PLCG1: variants seen among roughly 807,000 people sequenced by gnomAD.
The protein encoded by PLCG1 is phospholipase C gamma 1, also known as 1-phosphatidylinositol 4,5-bisphosphate phosphodiesterase gamma-1.
A neutral mutation model predicts 177.8 loss-of-function variants in PLCG1; 71 were observed. The observed-to-expected ratio is 0.40, with a 90% CI of 0.33 to 0.49. PLCG1 has a LOEUF of 0.49. Ranked by LOEUF, PLCG1 falls within the 20% of genes least tolerant of loss-of-function variation. The probability of loss-of-function intolerance (pLI) is 0.72; values close to 1 mark genes in which losing one functional copy is unlikely to be tolerated. For synonymous variants in PLCG1, 658 were observed against 647.9 expected, an observed-to-expected ratio of 1.02 and a Z score of -0.24; for missense variants, 1,281 against 1,709.0, an observed-to-expected ratio of 0.75 and a Z score of 4.42.
At position 41,137,904 on chromosome 20, in the gene PLCG1, G is replaced by T; in HGVS notation, c.217+46G>T. ...CCTGGGCCCGCCCCGCGCGGGGGTCGTGGGAGCCCGGCCCGACTGCTTGCA... is the reference window on the plus strand; with the variant it reads ...CCTGGGCCCGCCCCGCGCGGGGGTCTTGGGAGCCCGGCCCGACTGCTTGCA... On this transcript the variant is annotated intron_variant, in intron 1 of 31. Coordinates refer to ENST00000685551, the MANE Select transcript of PLCG1 (RefSeq NM_002660.3). The surrounding 1 kb of genome is among the most constrained non-coding windows in gnomAD (Gnocchi z 7.3). The T allele has an allele frequency of 2.5e-6, 3 of 1,197,612 alleles. No homozygotes were observed. Among genetic ancestry groups the T allele is most frequent in the Non-Finnish European group, 3.2e-6 (3 of 943,514 alleles). 74.2% of individuals were successfully genotyped at this position (1,197,612 alleles called of 1,614,324 possible).
chr20:41,167,847 T>C lies in PLCG1; in HGVS notation c.2302-5T>C. On this transcript the variant is annotated splice_polypyrimidine_tract_variant and splice_region_variant and intron_variant, in intron 19 of 31. Transcript: ENST00000685551. The surrounding 1 kb of genome is among the most constrained non-coding windows in gnomAD (Gnocchi z 4.4). The stretch of plus-strand genomic sequence containing the variant: ...TTAACATATCCCATTGTGTCCTGTT[T>C]CCAGGAGCCTGACTACGGGGCCCTG... 1 of 1,609,738 alleles carries C rather than the reference T, an allele frequency of 6.2e-7. No individual in the cohort carries two copies. Among genetic ancestry groups the C allele is most frequent in the Non-Finnish European group, 8.5e-7 (1 of 1,176,162 alleles).
chr20:41,173,024 A>AAGAT lies in PLCG1; in HGVS notation c.3279+150_3279+153dup, dbSNP rs1228093116. On this transcript the variant is annotated intron_variant, in intron 27 of 31. Transcript: ENST00000685551. This position sits in a 1 kb window ranked among gnomAD's most constrained non-coding sequence, Gnocchi z 6.2. ...CCTGAGCTGAGTCTTTGAAGGGGTGAAGATAGCATGCAGTCACTGTATGCA... is the reference window on the plus strand; with the variant it reads ...CCTGAGCTGAGTCTTTGAAGGGGTGAAGATAGATAGCATGCAGTCACTGTATGCA... 2 of 744,898 alleles carry AAGAT rather than the reference A, an allele frequency of 2.7e-6. No individual in the cohort carries two copies. The highest frequency in any genetic ancestry group is 4.4e-6 in the Non-Finnish European group (2 of 459,738). The allele number at this position is 744,898 out of a possible 1,614,324, so 46.1% of individuals were successfully genotyped here.
At position 41,172,988 on chromosome 20, in the gene PLCG1, G is replaced by T; in HGVS notation, c.3279+111G>T. 8.6e-7 allele frequency: 1 copy of T among 1,159,624 alleles called. No homozygotes were observed. Among genetic ancestry groups the T allele is most frequent in the Non-Finnish European group, 1.2e-6 (1 of 822,726 alleles). The allele number at this position is 1,159,624 out of a possible 1,614,324, so 71.8% of individuals were successfully genotyped here. On this transcript the variant is annotated intron_variant, in intron 27 of 31. Coordinates refer to ENST00000685551, the MANE Select transcript of PLCG1 (RefSeq NM_002660.3). The surrounding 1 kb of genome is among the most constrained non-coding windows in gnomAD (Gnocchi z 7.0). Reference sequence around the variant, plus strand: ...TATTTTCAGGCATCAAGGTGGTCAGGGTGGGTGGGGCCTGAGCTGAGTCTT... The same window carrying T: ...TATTTTCAGGCATCAAGGTGGTCAGTGTGGGTGGGGCCTGAGCTGAGTCTT...
In PLCG1 at chr20:41,160,102, C is replaced by G. The variant is rs780920914; in HGVS notation, c.465-4C>G. 5 of 1,614,066 alleles carry G rather than the reference C, an allele frequency of 3.1e-6. No homozygotes were observed. The highest frequency in any genetic ancestry group is 3.4e-6 in the Non-Finnish European group (4 of 1,179,930). The stretch of plus-strand genomic sequence containing the variant: ...TGGCCCTCACCTCAGGCTTCTCTCT[C>G]CAGGTGGCTCCGGAAGCAGTTTTAC... On this transcript the variant is annotated splice_polypyrimidine_tract_variant and splice_region_variant and intron_variant, in intron 3 of 31. Transcript: ENST00000685551. This position sits in a 1 kb window ranked among gnomAD's most constrained non-coding sequence, Gnocchi z 5.5.
rs1356533687 is a variant in PLCG1, at chr20:41,173,834, C to A, written c.3556+21C>A. The A allele has an allele frequency of 1.9e-6, 3 of 1,611,516 alleles. No individual in the cohort carries two copies. Among genetic ancestry groups the A allele is most frequent in the Admixed American group, 1.7e-5 (1 of 59,900 alleles). On this transcript the variant is annotated intron_variant, in intron 29 of 31. Coordinates refer to ENST00000685551, the MANE Select transcript of PLCG1 (RefSeq NM_002660.3). The surrounding 1 kb of genome is among the most constrained non-coding windows in gnomAD (Gnocchi z 6.2). ...GACAGGTGAGGACCATTCCTGGAGG[C>A]AGTGCCCCTGCAATCTTGCTGGCAG... is the stretch of plus-strand genomic sequence containing the variant.
At chr20:41,169,691 T>C (rs1430666470) in intron 23 of PLCG1, 165 bp downstream of exon 23, 2 of 629,200 alleles carry the variant, frequency 3.2e-6, no homozygotes, top group Non-Finnish European at 5.7e-6. Flanking sequence ...CTGGGCTCCC[T>C]TTGTCACTGT....
In PLCG1 at chr20:41,175,722, C is replaced by G. The variant is rs1399664494; in HGVS notation, c.*1213C>G. The G allele has an allele frequency of 1.3e-5, 2 of 152,630 alleles. No homozygotes were observed. Among genetic ancestry groups the G allele is most frequent in the African/African-American group, 4.8e-5 (2 of 41,454 alleles). The allele number at this position is 152,630 out of a possible 1,614,324, so 9.5% of individuals were successfully genotyped here. On this transcript the variant is annotated 3_prime_UTR_variant, in exon 32 of 32. Coordinates refer to ENST00000685551, the MANE Select transcript of PLCG1 (RefSeq NM_002660.3). ...ATAAATCATCCTCATGTCCTTTTTC[C>G]TTTGACTTGTATGCTCTTTCGGGGG...
intron 20 of PLCG1, 39 bp from the exon 21 acceptor site, chr20:41,168,728 G>C (rs1353769941): frequency 6.8e-6 from 9 of 1,315,730 alleles, no homozygotes; most frequent in Non-Finnish European, 9.8e-6. Flanking sequence ...GTGGCAGGGA[G>C]AGCCTTTCTG....
rs2035918684 is a variant in PLCG1, at chr20:41,172,067, G to C, written c.2809-126G>C. ...TACTGTTGGGTGTGGTGTCTGGAAG[G>C]TACAGGGGAAGGTGGGAGAGGGGCC... is the stretch of plus-strand genomic sequence containing the variant. On this transcript the variant is annotated intron_variant, in intron 24 of 31. Transcript: ENST00000685551. This position sits in a 1 kb window ranked among gnomAD's most constrained non-coding sequence, Gnocchi z 7.0. 8.0e-6 allele frequency: 6 copies of C among 751,228 alleles called. No individual in the cohort carries two copies. The Admixed American group carries it at 1.1e-4, about 13-fold the overall frequency. 46.5% of individuals were successfully genotyped at this position (751,228 alleles called of 1,614,324 possible). A position where few individuals can be genotyped will look rare whatever the true frequency, so the allele number is the denominator to read the frequency against.
chr20:41,161,580 T>G (rs2035497767), intron 4 of PLCG1, among the ~76,000 whole-genome samples: 1 of 152,086 alleles, frequency 6.6e-6, no homozygotes, highest in African/African-American at 2.4e-5. Flanking sequence ...TGACTGAGGA[T>G]CAGAGGAGGG....
chr20:41,154,044 C>T (rs368770369), intron 1 of PLCG1, among the ~76,000 whole-genome samples: 183 of 152,292 alleles, frequency 1.2e-3, no homozygotes, highest in African/African-American at 4.3e-3. Context: ...ACTTCTGTAT[C>T]TCTTACCTCA....
chr20:41,163,452 C>T lies in PLCG1; in HGVS notation c.864C>T (p.Ile288=), dbSNP rs751778690. 6 of 1,611,726 alleles carry T rather than the reference C, an allele frequency of 3.7e-6. No individual in the cohort carries two copies. Among genetic ancestry groups the T allele is most frequent in the South Asian group, 1.1e-5 (1 of 91,010 alleles). Residue 288 remains isoleucine (I), a synonymous_variant, in exon 9 of 32, where the codon ATC becomes ATT. Transcript: ENST00000685551. The surrounding 1 kb of genome is among the most constrained non-coding windows in gnomAD (Gnocchi z 5.2). ...LSFLRDPLRE[I]EEPYFFLDEF... is the part of the protein sequence containing the mutation. Reference sequence around the variant, plus strand: ...TCCTCCGAGACCCCTTACGAGAGATCGAGGAGCCATACTTCTTCCTGGATG... The same window carrying T: ...TCCTCCGAGACCCCTTACGAGAGATTGAGGAGCCATACTTCTTCCTGGATG...
In PLCG1 at chr20:41,170,243, G is replaced by A; in HGVS notation, c.2782G>A (p.Glu928Lys). 1 of 1,614,126 alleles carries A rather than the reference G, an allele frequency of 6.2e-7. No homozygotes were observed. Among genetic ancestry groups the A allele is most frequent in the Non-Finnish European group, 8.5e-7 (1 of 1,180,006 alleles). The part of the protein sequence containing the change: ...ELQDWVKKIR[E>K]VAQTADARLT... ...GCAGGACTGGGTGAAAAAGATCCGT[G>A]AAGTGGCCCAGACAGCAGACGCCAG... Residue 928 changes from glutamate (E) to lysine (K), a missense_variant, in exon 24 of 32, where the codon GAA (glutamate) becomes AAA (lysine). Transcript: ENST00000685551.
At chr20:41,161,930 G>A (rs959679752) in intron 4 of PLCG1, among the ~76,000 whole-genome samples, 1 of 152,060 alleles carries the variant, frequency 6.6e-6, no homozygotes, top group African/African-American at 2.4e-5. Flanking sequence ...TGTATTTGGT[G>A]GAGCATGCAC....
intron 1 of PLCG1, chr20:41,138,150 G>A (rs1600621883): frequency 3.6e-6 from 1 of 281,238 alleles, no homozygotes; most frequent in Non-Finnish European, 6.6e-6. Context: ...TGCGGTGCAG[G>A]CATCGGGCCC....
intron 24 of PLCG1, among the ~76,000 whole-genome samples, chr20:41,171,831 C>T (rs947047371): frequency 6.6e-6 from 1 of 152,150 alleles, no homozygotes; most frequent in Admixed American, 6.5e-5. Context: ...ATTTTTACCC[C>T]AGCATGAGGC....
At position 41,144,813 on chromosome 20, in the gene PLCG1, A is replaced by G. The variant is rs1414511768; in HGVS notation, c.217+6955A>G. Among the ~76,000 whole-genome samples the G allele has an allele frequency of 6.6e-6, 1 of 152,126 alleles. No homozygotes were observed. The highest frequency in any genetic ancestry group is 1.5e-5 in the Non-Finnish European group (1 of 68,032). ...CCTCTGACTTGTTCATGGTGGCAGT[A>G]GATCTCTAGCGTGGTTTGTGTTCCA... On this transcript the variant is annotated intron_variant, in intron 1 of 31. Transcript: ENST00000685551. The surrounding 1 kb of genome is among the most constrained non-coding windows in gnomAD (Gnocchi z 4.1).
At position 41,165,996 on chromosome 20, in the gene PLCG1, C is replaced by CG. The variant is rs1362056599; in HGVS notation, c.1799+170_1799+171insG. ...CACACACACTCTCTGTCTCACCCCC[C>CG]CCCCATACCCCTCCCTTTTCGGTTC... On this transcript the variant is annotated intron_variant, in intron 16 of 31. Transcript: ENST00000685551. The surrounding 1 kb of genome is among the most constrained non-coding windows in gnomAD (Gnocchi z 6.6). 8 of 681,962 alleles carry CG rather than the reference C, an allele frequency of 1.2e-5. No homozygotes were observed. In the East Asian group the frequency reaches 2.3e-4, roughly 19 times the overall value. 42.2% of individuals were successfully genotyped at this position (681,962 alleles called of 1,614,324 possible).
chr20:41,163,994 C>T lies in PLCG1; in HGVS notation c.1084C>T (p.Arg362Cys), dbSNP rs1468827681. 4 of 1,614,024 alleles carry T rather than the reference C, an allele frequency of 2.5e-6. No individual in the cohort carries two copies. Among genetic ancestry groups the T allele is most frequent in the Non-Finnish European group, 2.5e-6 (3 of 1,180,020 alleles). Reference sequence around the variant, plus strand: ...TGCTCGCTGCCTGCGGATGGGCTGTCGCTGCATTGAGTGTGCGTGGGGTCC... The same window carrying T: ...TGCTCGCTGCCTGCGGATGGGCTGTTGCTGCATTGAGTGTGCGTGGGGTCC... ...AYARCLRMGC[R>C]CIELDCWDGP... is the part of the protein sequence containing the mutation. The change falls in exon 11 of 32, where the codon CGC becomes TGC. Residue 362 changes from arginine (R) to cysteine (C), a missense_variant. Arg to Cys is a radical substitution (Grantham distance 180). This residue lies in a region of PLCG1 where 31 missense variants were observed against 82.1 expected (regional missense o/e 0.38). Coordinates refer to ENST00000685551, the MANE Select transcript of PLCG1 (RefSeq NM_002660.3). This position sits in a 1 kb window ranked among gnomAD's most constrained non-coding sequence, Gnocchi z 5.2.
Sources: gnomAD v4.1 joint callset for allele counts (sites outside exome capture counted in the v4.1 genomes callset) on GRCh38, gnomAD v4.1.1 for gene constraint, gnomAD v4.1.1 regional missense constraint, Gnocchi (gnomAD v3.1) non-coding constraint, MANE v1.5 for transcripts, NCBI Gene and HGNC (gene_info 2026-07-23, HGNC 2026-07-21) for gene names.